The following ACVR1B variants were observed in gnomAD, a reference collection of about 807,000 sequenced individuals.
ACVR1B encodes activin receptor type-1B.
ACVR1B carries 15 observed loss-of-function variants against 55.6 expected under a neutral mutation model. The observed-to-expected ratio is 0.27, with a 90% CI of 0.18 to 0.42. The LOEUF is 0.42. Among genes scored for constraint, ACVR1B ranks in the 10% least tolerant of loss-of-function variants. The probability of loss-of-function intolerance (pLI) is 1.00; values close to 1 mark genes in which losing one functional copy is unlikely to be tolerated. For missense variants in ACVR1B, 359 were observed against 670.1 expected (o/e 0.54, Z 5.13); for synonymous variants, 247 against 254.6 (o/e 0.97, Z 0.28).
chr12:51,992,546 G>A (rs1227196796), intron 8 of ACVR1B, among the ~76,000 whole-genome samples: 2 of 152,200 alleles, frequency 1.3e-5, no homozygotes, highest in African/African-American at 4.8e-5. Flanking sequence ...ACAGATGAGG[G>A]AGGTGGTCAA....
At chr12:51,993,807 A>AAGAGCC (rs1416755351) in intron 8 of ACVR1B, among the ~76,000 whole-genome samples, 178 bp from the exon 9 acceptor site, 1 of 139,470 alleles carries the variant, frequency 7.2e-6, no homozygotes, top group Non-Finnish European at 1.5e-5. Flanking sequence ...AAAAAAAAGG[A>AAGAGCC]AGAGCCAGGG....
intron 4 of ACVR1B, chr12:51,982,649 A>G: frequency 6.7e-7 from 1 of 1,501,280 alleles, no homozygotes. Context: ...CAAAGCCTAC[A>G]GAAGATGCTA....
Position 51,951,828 on chromosome 12 carries a change from G to T in ACVR1B, c.85G>T (p.Val29Phe). 3.0e-5 allele frequency: 38 copies of T among 1,276,106 alleles called. No individual in the cohort carries two copies. The highest frequency in any genetic ancestry group is 3.8e-5 in the Non-Finnish European group (38 of 1,002,498). The allele number at this position is 1,276,106 out of a possible 1,614,324, so 79.0% of individuals were successfully genotyped here. ...AGSGGSGPRG[V>F]QALLCACTSC... ...CAGCGGCGGGTCCGGGCCCCGGGGG[G>T]TCCAGGGTGAGTCCTGGGACGGGGG... Residue 29 changes from valine (V) to phenylalanine (F), a missense_variant, in exon 1 of 9, where the codon GTC (valine) becomes TTC (phenylalanine). This residue lies in a region of ACVR1B where 48 missense variants were observed against 40.6 expected (regional missense o/e 1.18). Transcript: ENST00000257963.
intron 6 of ACVR1B, among the ~76,000 whole-genome samples, chr12:51,986,311 T>G (rs1396033730): frequency 6.6e-6 from 1 of 152,164 alleles, no homozygotes; most frequent in East Asian, 1.9e-4. Context: ...CAAGCTGGAG[T>G]GCAATGGCAC....
At chr12:51,987,035 G>A in intron 7 of ACVR1B, 93 bp downstream of exon 7, 2 of 1,546,846 alleles carry the variant, frequency 1.3e-6, no homozygotes, top group South Asian at 2.2e-5. Flanking sequence ...TTTACAACCT[G>A]TTGGATGCCT....
chr12:51,977,607 CT>C (rs71443237), intron 3 of ACVR1B, among the ~76,000 whole-genome samples: 3,387 of 122,934 alleles, frequency 0.028, 14 homozygotes, highest in African/African-American at 0.058. Flanking sequence ...TATTGCATTC[CT>C]TTTTTTTTTT....
At chr12:51,977,783 A>ATTTT (rs748536892) in intron 3 of ACVR1B, among the ~76,000 whole-genome samples, 19 of 103,252 alleles carry the variant, frequency 1.8e-4, no homozygotes, top group Non-Finnish European at 2.5e-4. Flanking sequence ...AAGCCTGGCA[A>ATTTT]TTTTTTTTTT....
chr12:51,954,788 A>G (rs570236374), intron 1 of ACVR1B, among the ~76,000 whole-genome samples: 2 of 152,324 alleles, frequency 1.3e-5, no homozygotes, highest in East Asian at 3.9e-4. Context: ...GACATTTGTG[A>G]GACTGACTTA....
chr12:51,959,688 A>G (rs1328591249), intron 1 of ACVR1B, among the ~76,000 whole-genome samples: 1 of 152,208 alleles, frequency 6.6e-6, no homozygotes, highest in East Asian at 1.9e-4. Context: ...ATAATGAGAA[A>G]TACCCCAAGA....
rs373688126 is a variant in ACVR1B, at chr12:51,976,426, T to C, written c.431T>C (p.Ile144Thr). 2.8e-5 allele frequency: 46 copies of C among 1,614,088 alleles called. No homozygotes were observed. Among genetic ancestry groups the C allele is most frequent in the Non-Finnish European group, 3.3e-5 (39 of 1,179,982 alleles). The change falls in exon 3 of 9, where the codon ATT becomes ACT. Residue 144 changes from isoleucine to threonine, a missense_variant. By Grantham distance (89) the Ile-to-Thr change is moderately conservative. Around this residue, in one of 5 missense-constraint regions of ACVR1B, gnomAD observed 133 missense variants for 188.2 expected, o/e 0.71. Coordinates refer to ENST00000257963, the MANE Select transcript of ACVR1B (RefSeq NM_004302.5). ...PVFLLFLIII[I>T]VFLVINYHQR... ...TTCCTCCTGTTCCTCATCATCATCA[T>C]TGTTTTCCTTGTCATTAACTATCAT... is the stretch of plus-strand genomic sequence containing the variant.
chr12:51,993,595 C>T (rs934198238), intron 8 of ACVR1B, among the ~76,000 whole-genome samples: 21 of 151,660 alleles, frequency 1.4e-4, no homozygotes, highest in African/African-American at 5.1e-4. Context: ...GGTAAAACCC[C>T]ATCTCTACTA....
intron 1 of ACVR1B, among the ~76,000 whole-genome samples, chr12:51,954,094 A>AT (rs1290718551): frequency 3.9e-5 from 6 of 152,008 alleles, no homozygotes; most frequent in Admixed American, 2.0e-4. Flanking sequence ...CAAGAAGTTG[A>AT]TTTTTTTCCC....
intron 7 of ACVR1B, among the ~76,000 whole-genome samples, chr12:51,988,845 C>A (rs1942131641): frequency 6.6e-6 from 1 of 152,196 alleles, no homozygotes; most frequent in Non-Finnish European, 1.5e-5. Context: ...CCAGGCTGGG[C>A]ACTGTGTCAC....
intron 7 of ACVR1B, among the ~76,000 whole-genome samples, chr12:51,990,533 C>G (rs1165315884): frequency 2.0e-5 from 3 of 151,932 alleles, no homozygotes; most frequent in Non-Finnish European, 4.4e-5. Flanking sequence ...CCAGGCTGGT[C>G]TTGAACTCCT....
At chr12:51,981,985 G>C (rs1161386742) in intron 4 of ACVR1B, among the ~76,000 whole-genome samples, 1 of 152,222 alleles carries the variant, frequency 6.6e-6, no homozygotes, top group Non-Finnish European at 1.5e-5. Context: ...TCCTGTCCCT[G>C]AGGATTCTTT....
At chr12:51,964,435 A>G (rs1208146036) in intron 1 of ACVR1B, among the ~76,000 whole-genome samples, 3 of 152,134 alleles carry the variant, frequency 2.0e-5, no homozygotes, top group Non-Finnish European at 4.4e-5. Flanking sequence ...TTCTTTTGAT[A>G]TTGCCCTTTG....
intron 1 of ACVR1B, among the ~76,000 whole-genome samples, chr12:51,966,870 T>C (rs574811701): frequency 7.2e-5 from 11 of 152,362 alleles, no homozygotes; most frequent in Non-Finnish European, 1.6e-4. Flanking sequence ...GATAATGATA[T>C]TGTGGGAAAC....
rs2120758471 is a variant in ACVR1B, at chr12:51,991,895, G to A, written c.1294G>A (p.Asp432Asn). The A allele has an allele frequency of 1.2e-6, 2 of 1,613,968 alleles. No individual in the cohort carries two copies. Among genetic ancestry groups the A allele is most frequent in the East Asian group, 2.2e-5 (1 of 44,872 alleles). Residue 432 changes from aspartate to asparagine, a missense_variant, in exon 8 of 9, where the codon GAC (aspartate) becomes AAC (asparagine). Transcript: ENST00000257963. ...VHEEYQLPYY[D>N]LVPSDPSIEE... ...TGAAGAATATCAGCTGCCATATTAC[G>A]ACTTAGTGCCCTCTGACCCTTCCAT...
intron 1 of ACVR1B, among the ~76,000 whole-genome samples, chr12:51,964,592 T>C (rs1208486302): frequency 2.6e-5 from 4 of 152,174 alleles, no homozygotes; most frequent in Non-Finnish European, 5.9e-5. Flanking sequence ...AAGTTTAAGT[T>C]TTAGTTGATA....
Sources: gnomAD v4.1 joint callset for allele counts (sites outside exome capture counted in the v4.1 genomes callset) on GRCh38, gnomAD v4.1.1 for gene constraint, gnomAD v4.1.1 regional missense constraint, MANE v1.5 for transcripts, NCBI Gene and HGNC (gene_info 2026-07-23, HGNC 2026-07-21) for gene names.